The following UQCRH variants were observed in gnomAD, a reference collection of about 807,000 sequenced individuals.
The protein encoded by UQCRH is ubiquinol-cytochrome c reductase hinge protein, also known as cytochrome b-c1 complex subunit 6, mitochondrial.
Under a neutral mutation model 16.3 loss-of-function variants are expected in UQCRH, and 14 were observed. The ratio of observed to expected loss-of-function variants is 0.86; its 90% CI spans 0.57 to 1.34. The LOEUF is 1.34. UQCRH is among the 40% of genes most tolerant of loss of function. UQCRH has a pLI of 0.00. For synonymous variants in UQCRH, 41 were observed against 41.9 expected, an observed-to-expected ratio of 0.98 and a Z score of 0.08; for missense variants, 89 against 111.9, an observed-to-expected ratio of 0.80 and a Z score of 0.92.
intron 3 of UQCRH, among the ~76,000 whole-genome samples, chr1:46,312,554 A>G (rs1409876604): frequency 1.3e-5 from 2 of 151,868 alleles, no homozygotes; most frequent in African/African-American, 4.8e-5. Context: ...CCTGGCCTCA[A>G]GGGGTTGTTT....
chr1:46,305,288 G>GCA (rs1661346812), intron 1 of UQCRH, among the ~76,000 whole-genome samples: 3 of 110,530 alleles, frequency 2.7e-5, no homozygotes, highest in Non-Finnish European at 5.2e-5. Context: ...ACCCGAGTGA[G>GCA]ACCCTGTCTC....
intron 3 of UQCRH, 78 bp downstream of exon 3, chr1:46,310,394 A>G (rs1661448328): frequency 6.3e-7 from 1 of 1,599,414 alleles, no homozygotes; most frequent in East Asian, 2.2e-5. Flanking sequence ...TTTCCATGCT[A>G]GGGAAAGGCC....
intron 3 of UQCRH, among the ~76,000 whole-genome samples, chr1:46,315,331 C>T (rs1409414575): frequency 6.6e-6 from 1 of 152,090 alleles, no homozygotes; most frequent in Non-Finnish European, 1.5e-5. Context: ...ATAATCCCAG[C>T]TACTAGGGAG....
chr1:46,303,886 C>T (rs958496929), intron 1 of UQCRH, 66 bp downstream of exon 1: 8 of 1,607,728 alleles, frequency 5.0e-6, no homozygotes, highest in South Asian at 1.1e-5. Context: ...CCCGCCAAAA[C>T]ACGCACGGGG....
intron 3 of UQCRH, among the ~76,000 whole-genome samples, chr1:46,311,501 C>T (rs1661474769): frequency 6.6e-6 from 1 of 150,994 alleles, no homozygotes. Context: ...TGGCGTCAAC[C>T]CAGGAGGCGG....
intron 3 of UQCRH, among the ~76,000 whole-genome samples, chr1:46,311,936 T>C (rs1238908060): frequency 1.0e-4 from 15 of 146,896 alleles, no homozygotes; most frequent in Admixed American, 9.5e-4. Flanking sequence ...GCCTTTTTTT[T>C]TTTTTTTGAG....
intron 3 of UQCRH, among the ~76,000 whole-genome samples, chr1:46,311,957 G>T (rs1283365941): frequency 2.3e-5 from 3 of 130,948 alleles, no homozygotes; most frequent in African/African-American, 5.8e-5. Context: ...ATAAGGTCTT[G>T]CTTGCTCTGT....
At chr1:46,310,845 A>G (rs1051760686) in intron 3 of UQCRH, among the ~76,000 whole-genome samples, 1 of 151,362 alleles carries the variant, frequency 6.6e-6, no homozygotes, top group African/African-American at 2.4e-5. Context: ...AGGCGGGTGG[A>G]TCATGAGGTC....
chr1:46,309,352 G>A, intron 2 of UQCRH: 1 of 510,396 alleles, frequency 2.0e-6, no homozygotes, highest in East Asian at 3.4e-5. Flanking sequence ...GGAGCAGATG[G>A]CATCTTGAGG....
intron 3 of UQCRH, among the ~76,000 whole-genome samples, chr1:46,312,083 A>G (rs890374023): frequency 7.0e-6 from 1 of 143,814 alleles, no homozygotes; most frequent in South Asian, 2.2e-4. Flanking sequence ...ACATGCCACC[A>G]TGCCTTGGTA....
At chr1:46,310,463 A>G (rs1051595352) in intron 3 of UQCRH, 147 bp downstream of exon 3, 3 of 1,219,848 alleles carry the variant, frequency 2.5e-6, no homozygotes, top group Admixed American at 2.5e-5. Flanking sequence ...TTTTATGTAA[A>G]TAACCTATTC....
At chr1:46,311,438 G>T (rs1037542770) in intron 3 of UQCRH, among the ~76,000 whole-genome samples, 1 of 150,814 alleles carries the variant, frequency 6.6e-6, no homozygotes, top group Admixed American at 6.6e-5. Context: ...TTAGCCGGGC[G>T]TGGTGGCGGG....
chr1:46,316,545 C>T lies in UQCRH; in HGVS notation c.244-7C>T. The T allele has an allele frequency of 1.9e-6, 3 of 1,613,408 alleles. No individual in the cohort carries two copies. The highest frequency in any genetic ancestry group is 2.5e-6 in the Non-Finnish European group (3 of 1,179,756). On this transcript the variant is annotated splice_polypyrimidine_tract_variant and splice_region_variant and intron_variant, in intron 3 of 3. Coordinates refer to ENST00000311672, the MANE Select transcript of UQCRH (RefSeq NM_006004.4). ...ATTGATTACCTCCTTTTCTTTCCCCCATCTAGGTGGCCCACAAACTCTTTA... is the reference window on the plus strand; with the variant it reads ...ATTGATTACCTCCTTTTCTTTCCCCTATCTAGGTGGCCCACAAACTCTTTA...
chr1:46,310,283 G>A lies in UQCRH; in HGVS notation c.210G>A (p.Glu70=). 1 of 1,614,110 alleles carries A rather than the reference G, an allele frequency of 6.2e-7. No individual in the cohort carries two copies. The highest frequency in any genetic ancestry group is 8.5e-7 in the Non-Finnish European group (1 of 1,180,008). ...RSHTEEDCTE[E]LFDFLHARDH... is the part of the protein sequence containing the mutation. ...ATACAGAAGAGGATTGCACGGAGGAGCTCTTTGACTTCTTGCATGCGAGGG... is the reference window on the plus strand; with the variant it reads ...ATACAGAAGAGGATTGCACGGAGGAACTCTTTGACTTCTTGCATGCGAGGG... Residue 70 remains glutamate, a synonymous_variant, in exon 3 of 4, where the codon GAG becomes GAA. Transcript: ENST00000311672.
chr1:46,308,364 T>C (rs1332223086), intron 1 of UQCRH, among the ~76,000 whole-genome samples: 1 of 152,208 alleles, frequency 6.6e-6, no homozygotes, highest in Non-Finnish European at 1.5e-5. Context: ...GCTCAGCACC[T>C]TGGTTTCTAT....
At chr1:46,311,148 A>T (rs1661466169) in intron 3 of UQCRH, among the ~76,000 whole-genome samples, 1 of 152,104 alleles carries the variant, frequency 6.6e-6, no homozygotes, top group East Asian at 1.9e-4. Flanking sequence ...AGGTATCATT[A>T]TCCCATTTCA....
chr1:46,310,312 A>G lies in UQCRH; in HGVS notation c.239A>G (p.His80Arg), dbSNP rs1475995772. Reference sequence around the variant, plus strand: ...TTTGACTTCTTGCATGCGAGGGACCATTGCGTAAGTCAGTGGGAAGTCAGG... The same window carrying G: ...TTTGACTTCTTGCATGCGAGGGACCGTTGCGTAAGTCAGTGGGAAGTCAGG... ...ELFDFLHARDHCVAHKLFNNL... is the reference protein window; with the variant it reads ...ELFDFLHARDRCVAHKLFNNL... Residue 80 changes from histidine to arginine, a missense_variant, in exon 3 of 4, where the codon CAT becomes CGT. Coordinates refer to ENST00000311672, the MANE Select transcript of UQCRH (RefSeq NM_006004.4). 11 of 1,614,120 alleles carry G rather than the reference A, an allele frequency of 6.8e-6. No individual in the cohort carries two copies. The highest frequency in any genetic ancestry group is 3.3e-5 in the Admixed American group (2 of 59,994).
chr1:46,303,698 C>T lies in UQCRH; in HGVS notation c.-69C>T, dbSNP rs897541878. 3.7e-6 allele frequency: 6 copies of T among 1,610,276 alleles called. No individual in the cohort carries two copies. The East Asian group carries it at 6.7e-5, about 18-fold the overall frequency. ...TTCCGCTGAGTGACCCTTACAAGTC[C>T]TTCTTGATCCTGAACTGGGTTAGGT... On this transcript the variant is annotated 5_prime_UTR_variant, in exon 1 of 4. Transcript: ENST00000311672.
chr1:46,305,598 C>A (rs896120894), intron 1 of UQCRH, among the ~76,000 whole-genome samples: 1 of 150,820 alleles, frequency 6.6e-6, no homozygotes, highest in Non-Finnish European at 1.5e-5. Flanking sequence ...ACTGAAAATA[C>A]AAAAAATTAG....
Sources: gnomAD v4.1 joint callset for allele counts (sites outside exome capture counted in the v4.1 genomes callset) on GRCh38, gnomAD v4.1.1 for gene constraint, MANE v1.5 for transcripts, NCBI Gene and HGNC (gene_info 2026-07-23, HGNC 2026-07-21) for gene names.